Variants in ADAMTS12 observed in about 807,000 individuals in gnomAD.
ADAMTS12 encodes the protein ADAM metallopeptidase with thrombospondin type 1 motif 12.
In ADAMTS12, 118 loss-of-function variants were observed where a neutral mutation model predicts 167.8. That is an observed-to-expected ratio of 0.70 (90% CI 0.61 to 0.82). ADAMTS12 has a LOEUF of 0.82. Among genes scored for constraint, ADAMTS12 ranks in the 40% least tolerant of loss-of-function variants. The pLI is 0.00. For missense variants in ADAMTS12, 1,916 were observed against 1,998.8 expected (o/e 0.96, Z 0.79); for synonymous variants, 704 against 716.9 (o/e 0.98, Z 0.29).
intron 2 of ADAMTS12, among the ~76,000 whole-genome samples, chr5:33,809,786 T>A (rs1747381356): frequency 6.6e-6 from 1 of 151,908 alleles, no homozygotes; most frequent in African/African-American, 2.4e-5. Flanking sequence ...AGGGTCAGGC[T>A]CACTGGGAAT....
At chr5:33,822,355 C>T (rs536197230) in intron 2 of ADAMTS12, among the ~76,000 whole-genome samples, 31 of 152,314 alleles carry the variant, frequency 2.0e-4, no homozygotes, top group African/African-American at 7.5e-4. Context: ...AGCATGCAAG[C>T]ACAGCCCTGG....
chr5:33,608,208 A>AAAGACAC (rs1470612174), intron 16 of ADAMTS12, among the ~76,000 whole-genome samples: 3 of 152,198 alleles, frequency 2.0e-5, no homozygotes, highest in Non-Finnish European at 2.9e-5. Flanking sequence ...GGGAAGGAGG[A>AAAGACAC]AAGACACACA....
At chr5:33,530,832 G>A (rs1237509040) in intron 23 of ADAMTS12, among the ~76,000 whole-genome samples, 2 of 152,158 alleles carry the variant, frequency 1.3e-5, no homozygotes, top group East Asian at 3.9e-4. Flanking sequence ...GGACCTCTAG[G>A]AGGCCCCCCA....
intron 2 of ADAMTS12, among the ~76,000 whole-genome samples, chr5:33,831,641 G>T (rs1250785294): frequency 6.6e-6 from 1 of 152,234 alleles, no homozygotes; most frequent in Non-Finnish European, 1.5e-5. Context: ...TCACATGATT[G>T]TAACAAGCTT....
chr5:33,621,952 T>C (rs111308568), intron 14 of ADAMTS12, among the ~76,000 whole-genome samples: 4 of 152,204 alleles, frequency 2.6e-5, no homozygotes, highest in Admixed American at 1.3e-4. Context: ...AAGAGGGTTG[T>C]GAGATAATTG....
chr5:33,559,048 T>A (rs1158931858), intron 20 of ADAMTS12, among the ~76,000 whole-genome samples: 1 of 152,156 alleles, frequency 6.6e-6, no homozygotes, highest in African/African-American at 2.4e-5. Flanking sequence ...TAGCCTCCCA[T>A]GTTCCTGTCT....
At chr5:33,778,301 G>T (rs1446825506) in intron 2 of ADAMTS12, among the ~76,000 whole-genome samples, 1 of 152,098 alleles carries the variant, frequency 6.6e-6, no homozygotes, top group Non-Finnish European at 1.5e-5. Flanking sequence ...CAAAACAGCA[G>T]AGTACTGGCA....
At chr5:33,591,104 G>GTGTGTC (rs149905578) in intron 17 of ADAMTS12, among the ~76,000 whole-genome samples, 23,229 of 148,746 alleles carry the variant, frequency 0.16, 2,137 homozygotes, top group East Asian at 0.37. Flanking sequence ...GTGTGTGTGT[G>GTGTGTC]TATGTGTGTG....
chr5:33,823,735 A>G (rs1444434531), intron 2 of ADAMTS12, among the ~76,000 whole-genome samples: 1 of 151,936 alleles, frequency 6.6e-6, no homozygotes, highest in Admixed American at 6.6e-5. Flanking sequence ...GCTTATTTTC[A>G]ATATTATGGA....
rs76090292 is a variant in ADAMTS12, at chr5:33,682,589, G to A, written c.915+429C>T. Among the ~76,000 whole-genome samples, 76 of 152,220 alleles carry A rather than the reference G, an allele frequency of 5.0e-4. No individual in the cohort carries two copies. The East Asian group carries it at 0.014, about 28-fold the overall frequency. ...ATAGATGAAATCCCCAAAGGTAAAC[G>A]TGCAGATAGACAAGAGGTCCCAAAT... On this transcript the variant is annotated intron_variant, in intron 5 of 23. Coordinates refer to ENST00000504830, the MANE Select transcript of ADAMTS12 (RefSeq NM_030955.4).
intron 2 of ADAMTS12, among the ~76,000 whole-genome samples, chr5:33,848,125 G>A (rs1218781075): frequency 6.6e-6 from 1 of 152,056 alleles, no homozygotes; most frequent in Non-Finnish European, 1.5e-5. Context: ...GCTGAGGCAG[G>A]AGAGTCGCTT....
intron 12 of ADAMTS12, among the ~76,000 whole-genome samples, chr5:33,632,987 T>G (rs1286247787): frequency 6.6e-6 from 1 of 151,900 alleles, no homozygotes; most frequent in Non-Finnish European, 1.5e-5. Flanking sequence ...CTAAAAGGAA[T>G]GAGGTAAACC....
intron 22 of ADAMTS12, among the ~76,000 whole-genome samples, chr5:33,535,545 T>C (rs143217272): frequency 2.6e-4 from 39 of 152,260 alleles, no homozygotes; most frequent in African/African-American, 8.4e-4. Context: ...AGCATGTGCT[T>C]AGAGAGGAAC....
intron 2 of ADAMTS12, among the ~76,000 whole-genome samples, chr5:33,788,287 CT>C (rs202227205): frequency 1.4e-4 from 21 of 151,136 alleles, no homozygotes; most frequent in African/African-American, 4.6e-4. Flanking sequence ...TTCTCTCTCT[CT>C]TTTTTTTTGC....
Position 33,630,763 on chromosome 5 carries a change from G to A in ADAMTS12, c.2022+17C>T. 1 of 1,599,890 alleles carries A rather than the reference G, an allele frequency of 6.3e-7. No individual in the cohort carries two copies. The highest frequency in any genetic ancestry group is 1.1e-5 in the South Asian group (1 of 89,928). ...ATGATTTTATAAAGTTGTAGATTAAGGAAACATACCCAATACCTTACATAT... is the reference window on the plus strand; with the variant it reads ...ATGATTTTATAAAGTTGTAGATTAAAGAAACATACCCAATACCTTACATAT... On this transcript the variant is annotated intron_variant, in intron 13 of 23. Transcript: ENST00000504830.
intron 2 of ADAMTS12, among the ~76,000 whole-genome samples, chr5:33,837,593 T>C (rs1348130998): frequency 6.6e-6 from 1 of 152,232 alleles, no homozygotes; most frequent in African/African-American, 2.4e-5. Context: ...ATGGGATTTC[T>C]GGGTTTAAGA....
Position 33,662,051 on chromosome 5 carries a change from A to AAGAGGAAG in ADAMTS12, c.916-19_916-12dup. Reference sequence around the variant, plus strand: ...TATTTTCAGTCCTTGCTGGAGAAAGAAGAGGAAGAGATTAGCATGGGAGAG... The same window carrying AAGAGGAAG: ...TATTTTCAGTCCTTGCTGGAGAAAGAAGAGGAAGAGAGGAAGAGATTAGCATGGGAGAG... On this transcript the variant is annotated splice_polypyrimidine_tract_variant and intron_variant, in intron 5 of 23. Transcript: ENST00000504830. 2 of 1,606,378 alleles carry AAGAGGAAG rather than the reference A, an allele frequency of 1.2e-6. No individual in the cohort carries two copies.
intron 16 of ADAMTS12, among the ~76,000 whole-genome samples, chr5:33,598,414 G>C (rs2112042117): frequency 6.6e-6 from 1 of 152,234 alleles, no homozygotes; most frequent in Middle Eastern, 3.4e-3. Context: ...AAAAAGAAAA[G>C]AAAACAAATA....
intron 19 of ADAMTS12, among the ~76,000 whole-genome samples, chr5:33,574,958 A>G (rs1433478257): frequency 6.6e-6 from 1 of 152,218 alleles, no homozygotes; most frequent in Non-Finnish European, 1.5e-5. Flanking sequence ...GTTACATTAT[A>G]TTAACAAGTT....
Sources: gnomAD v4.1 joint callset for allele counts (sites outside exome capture counted in the v4.1 genomes callset) on GRCh38, gnomAD v4.1.1 for gene constraint, MANE v1.5 for transcripts, NCBI Gene and HGNC (gene_info 2026-07-23, HGNC 2026-07-21) for gene names.